The following MACO1 variants were observed in gnomAD, a reference collection of about 807,000 sequenced individuals.
MACO1 encodes the protein macoilin 1.
Under a neutral mutation model 78.7 loss-of-function variants are expected in MACO1, and 14 were observed. The ratio of observed to expected loss-of-function variants is 0.18; its 90% confidence interval spans 0.12 to 0.28. The LOEUF (loss-of-function observed/expected upper bound fraction) is 0.28. Ranked by LOEUF, MACO1 falls within the 10% of genes least tolerant of loss-of-function variation. The pLI is 1.00. For synonymous variants in MACO1, 288 were observed against 291.6 expected (o/e 0.99, Z 0.12); for missense variants, 501 against 799.0 (o/e 0.63, Z 4.50).
intron 4 of MACO1, among the ~76,000 whole-genome samples, chr1:25,454,978 C>T (rs1301107492): frequency 6.6e-6 from 1 of 152,098 alleles, no homozygotes; most frequent in Non-Finnish European, 1.5e-5. Flanking sequence ...TTGTCACTGC[C>T]TCTAAGCCAT....
At chr1:25,495,807 C>G (rs2043531018) in intron 10 of MACO1, among the ~76,000 whole-genome samples, 1 of 152,130 alleles carries the variant, frequency 6.6e-6, no homozygotes, top group African/African-American at 2.4e-5. Context: ...ACTAAAAATA[C>G]AAAAATTTGC....
At chr1:25,484,518 T>G (rs1182997840) in intron 7 of MACO1, among the ~76,000 whole-genome samples, 2 of 152,272 alleles carry the variant, frequency 1.3e-5, no homozygotes, top group African/African-American at 4.8e-5. Flanking sequence ...ATTTAATAAC[T>G]TCTTAGTTTA....
At chr1:25,450,344 A>G (rs544701223) in intron 3 of MACO1, among the ~76,000 whole-genome samples, 1 of 152,284 alleles carries the variant, frequency 6.6e-6, no homozygotes, top group African/African-American at 2.4e-5. Flanking sequence ...TCTTAGAGCT[A>G]TACTTCTGTC....
At chr1:25,441,137 G>A (rs1292902289) in intron 1 of MACO1, among the ~76,000 whole-genome samples, 1 of 152,100 alleles carries the variant, frequency 6.6e-6, no homozygotes, top group African/African-American at 2.4e-5. Context: ...ATGTGCTTTG[G>A]TAAAAGTCCT....
At chr1:25,446,311 T>C (rs780069880) in intron 1 of MACO1, among the ~76,000 whole-genome samples, 3 of 152,150 alleles carry the variant, frequency 2.0e-5, no homozygotes, top group Non-Finnish European at 4.4e-5. Context: ...TCTTTAAGCA[T>C]GTAAGGATGT....
chr1:25,449,670 G>T (rs942885819), intron 3 of MACO1, among the ~76,000 whole-genome samples: 6 of 152,036 alleles, frequency 3.9e-5, no homozygotes, highest in African/African-American at 1.4e-4. Flanking sequence ...TTTCTTAGAG[G>T]ATCTAAAGAG....
In MACO1 at chr1:25,458,487, T is replaced by A. The variant is rs762737980; in HGVS notation, c.749T>A (p.Ile250Lys). The change falls in exon 6 of 11, where the codon ATA (isoleucine) becomes AAA (lysine). Residue 250 changes from isoleucine (I) to lysine (K), a missense_variant. Coordinates refer to ENST00000374343, the MANE Select transcript of MACO1 (RefSeq NM_018202.6). ...NKKLSTTLPE[I>K]EYREKGKEKD... ...AAACTCTCCACAACTTTGCCAGAGA[T>A]AGAATACCGAGAAAAAGGGAAAGAA... 1 of 1,613,704 alleles carries A rather than the reference T, an allele frequency of 6.2e-7. No homozygotes were observed. The highest frequency in any genetic ancestry group is 8.5e-7 in the Non-Finnish European group (1 of 1,179,934).
intron 3 of MACO1, among the ~76,000 whole-genome samples, chr1:25,451,768 T>C (rs1226040054): frequency 1.3e-5 from 2 of 151,714 alleles, no homozygotes; most frequent in Non-Finnish European, 2.9e-5. Flanking sequence ...TAGCCAGGCA[T>C]GGTGGTGTGT....
chr1:25,469,817 G>A (rs947449994), intron 6 of MACO1, among the ~76,000 whole-genome samples: 5 of 151,630 alleles, frequency 3.3e-5, no homozygotes, highest in East Asian at 3.9e-4. Context: ...TTGTAGAGAC[G>A]GGGTTTCACC....
chr1:25,477,370 AAACC>A (rs72217240), intron 6 of MACO1, among the ~76,000 whole-genome samples: 11,105 of 152,200 alleles, frequency 0.073, 1,317 homozygotes, highest in African/African-American at 0.25. Context: ...GTTTGTTAGA[AAACC>A]TACCTTTCAA....
intron 4 of MACO1, 72 bp from the exon 5 acceptor site, chr1:25,456,581 A>C: frequency 6.8e-7 from 1 of 1,476,406 alleles, no homozygotes; most frequent in South Asian, 1.2e-5. Flanking sequence ...AGCCATAGGT[A>C]TTCTCATGTG....
At chr1:25,471,077 A>G (rs748148617) in intron 6 of MACO1, among the ~76,000 whole-genome samples, 1 of 151,548 alleles carries the variant, frequency 6.6e-6, no homozygotes, top group Non-Finnish European at 1.5e-5. Context: ...GGTGGCTCAC[A>G]CCTGTAATCC....
intron 1 of MACO1, among the ~76,000 whole-genome samples, chr1:25,438,449 C>G (rs1048296180): frequency 6.6e-6 from 1 of 152,098 alleles, no homozygotes; most frequent in Non-Finnish European, 1.5e-5. Context: ...GTAGGTATTG[C>G]CATTTTATAG....
At chr1:25,454,137 T>C in intron 3 of MACO1, 122 bp from the exon 4 acceptor site, 2 of 1,190,158 alleles carry the variant, frequency 1.7e-6, no homozygotes, top group Non-Finnish European at 2.2e-6. Flanking sequence ...AGTTTGCCTT[T>C]TAATTTAGTT....
chr1:25,486,937 G>T (rs192068868), intron 8 of MACO1, among the ~76,000 whole-genome samples: 3 of 152,148 alleles, frequency 2.0e-5, no homozygotes, highest in African/African-American at 7.2e-5. Context: ...CAGTCATCTA[G>T]TGATGACTGC....
intron 6 of MACO1, among the ~76,000 whole-genome samples, chr1:25,467,345 C>T (rs1424131775): frequency 2.6e-5 from 4 of 152,196 alleles, no homozygotes; most frequent in African/African-American, 4.8e-5. Context: ...TCAAGGCCTG[C>T]AGAGGAATCA....
At chr1:25,488,965 G>A (rs1329042605) in intron 8 of MACO1, among the ~76,000 whole-genome samples, 2 of 152,078 alleles carry the variant, frequency 1.3e-5, no homozygotes, top group Admixed American at 1.3e-4. Context: ...CTACAGGCAT[G>A]TACCACCATG....
chr1:25,494,754 A>G (rs2043519628), intron 10 of MACO1, among the ~76,000 whole-genome samples: 6 of 152,168 alleles, frequency 3.9e-5, no homozygotes, highest in Admixed American at 3.3e-4. Flanking sequence ...GAACCAAGGA[A>G]GGGAGAGCAG....
intron 3 of MACO1, among the ~76,000 whole-genome samples, chr1:25,449,911 C>T (rs1440046705): frequency 1.3e-5 from 2 of 152,160 alleles, no homozygotes; most frequent in Non-Finnish European, 2.9e-5. Context: ...CCCAGCTACT[C>T]GGGTGGCCAA....
Sources: allele counts gnomAD v4.1 joint callset (sites outside exome capture counted in the v4.1 genomes callset), GRCh38; gene constraint gnomAD v4.1.1; transcripts MANE v1.5; gene names NCBI Gene and HGNC (gene_info 2026-07-23, HGNC 2026-07-21).